Variants in GPC5 observed in about 807,000 individuals in gnomAD.
GPC5 encodes the protein glypican 5.
In GPC5, 47 loss-of-function variants were observed where a neutral mutation model predicts 53.9. That is an observed-to-expected ratio of 0.87 (90% confidence interval 0.69 to 1.11). The LOEUF (loss-of-function observed/expected upper bound fraction) is 1.11. GPC5 is among the 50% of genes most tolerant of loss of function. GPC5 has a pLI of 0.00. For synonymous variants in GPC5, 286 were observed against 263.3 expected, an observed-to-expected ratio of 1.09 and a Z score of -0.84; for missense variants, 748 against 713.1, an observed-to-expected ratio of 1.05 and a Z score of -0.56.
At chr13:91,957,222 C>T (rs908515364) in intron 6 of GPC5, among the ~76,000 whole-genome samples, 3 of 151,856 alleles carry the variant, frequency 2.0e-5, no homozygotes, top group East Asian at 3.9e-4. Context: ...CTATATCAAG[C>T]GGAAGAAAGA....
chr13:92,089,432 T>A (rs1213308085), intron 6 of GPC5, among the ~76,000 whole-genome samples: 1 of 152,148 alleles, frequency 6.6e-6, no homozygotes, highest in African/African-American at 2.4e-5. Context: ...AGACTCTCTC[T>A]CAAAAAAATA....
At chr13:91,963,600 T>C (rs567829885) in intron 6 of GPC5, among the ~76,000 whole-genome samples, 6 of 152,214 alleles carry the variant, frequency 3.9e-5, no homozygotes, top group Admixed American at 6.5e-5. Flanking sequence ...TTAGACACAA[T>C]AAATTAAGTG....
At chr13:92,338,079 C>A (rs2043337052) in intron 7 of GPC5, among the ~76,000 whole-genome samples, 1 of 151,886 alleles carries the variant, frequency 6.6e-6, no homozygotes, top group African/African-American at 2.4e-5. Flanking sequence ...GGATTGTTAT[C>A]CCAAAGATAG....
intron 7 of GPC5, among the ~76,000 whole-genome samples, chr13:92,716,167 C>A (rs1888321541): frequency 4.6e-5 from 7 of 152,002 alleles, no homozygotes; most frequent in Admixed American, 4.6e-4. Flanking sequence ...AGATTTTATT[C>A]TTCATACAAT....
chr13:91,692,932 CCACG>C (rs1233957536), intron 2 of GPC5, among the ~76,000 whole-genome samples: 1 of 152,224 alleles, frequency 6.6e-6, no homozygotes, highest in Non-Finnish European at 1.5e-5. Flanking sequence ...GCGTGAGCCA[CCACG>C]CCTGGTGATT....
intron 2 of GPC5, among the ~76,000 whole-genome samples, chr13:91,690,218 C>T (rs2035727980): frequency 6.6e-6 from 1 of 152,060 alleles, no homozygotes; most frequent in Non-Finnish European, 1.5e-5. Flanking sequence ...GTAGTAAAGT[C>T]AATACACAGT....
intron 3 of GPC5, among the ~76,000 whole-genome samples, chr13:91,706,711 G>A (rs2036113927): frequency 6.6e-6 from 1 of 152,042 alleles, no homozygotes; most frequent in South Asian, 2.1e-4. Context: ...TAAATCATGG[G>A]ATAATTGAGC....
chr13:92,146,451 C>A (rs1292906124), intron 7 of GPC5, among the ~76,000 whole-genome samples: 3 of 151,754 alleles, frequency 2.0e-5, no homozygotes. Context: ...TTATAGTTTT[C>A]TGTGAAAAAA....
intron 6 of GPC5, among the ~76,000 whole-genome samples, chr13:92,058,432 G>A (rs2041093920): frequency 6.6e-6 from 1 of 152,166 alleles, no homozygotes; most frequent in South Asian, 2.1e-4. Context: ...CCCTGCACAT[G>A]CACAACCTTG....
At chr13:92,558,748 GAAC>G (rs2139025700) in intron 7 of GPC5, among the ~76,000 whole-genome samples, 1 of 151,772 alleles carries the variant, frequency 6.6e-6, no homozygotes, top group African/African-American at 2.4e-5. Flanking sequence ...ACATAGCCTA[GAAC>G]AACATTACTA....
intron 7 of GPC5, among the ~76,000 whole-genome samples, chr13:92,381,829 A>T (rs1307729039): frequency 1.1e-5 from 1 of 90,444 alleles, no homozygotes; most frequent in Non-Finnish European, 2.4e-5. Flanking sequence ...ATATAATCAT[A>T]TATATTATAT....
At chr13:92,192,481 AAAT>A (rs1420387298) in intron 7 of GPC5, among the ~76,000 whole-genome samples, 1 of 152,222 alleles carries the variant, frequency 6.6e-6, no homozygotes, top group African/African-American at 2.4e-5. Context: ...TAGTAAGTAA[AAAT>A]AAATGCGTGA....
chr13:92,840,133 A>T (rs1178012346), intron 7 of GPC5, among the ~76,000 whole-genome samples: 1 of 136,320 alleles, frequency 7.3e-6, no homozygotes, highest in Non-Finnish European at 1.6e-5. Flanking sequence ...ATGAGTACAC[A>T]CAGTATTTGT....
At chr13:92,142,399 C>T (rs879491519) in intron 6 of GPC5, among the ~76,000 whole-genome samples, 4 of 152,088 alleles carry the variant, frequency 2.6e-5, no homozygotes, top group Non-Finnish European at 5.9e-5. Flanking sequence ...TTGCTGTTCT[C>T]CTTAGCACGA....
At chr13:91,682,620 G>A (rs2035533360) in intron 2 of GPC5, among the ~76,000 whole-genome samples, 1 of 152,162 alleles carries the variant, frequency 6.6e-6, no homozygotes, top group South Asian at 2.1e-4. Flanking sequence ...TGAACAGGAG[G>A]ACTCGATTCC....
intron 1 of GPC5, among the ~76,000 whole-genome samples, chr13:91,430,036 T>C (rs1879330784): frequency 6.6e-6 from 1 of 152,168 alleles, no homozygotes; most frequent in African/African-American, 2.4e-5. Context: ...CAGGCCAAAA[T>C]GCTACAACAG....
intron 2 of GPC5, among the ~76,000 whole-genome samples, chr13:91,509,291 G>A (rs1885109006): frequency 1.7e-5 from 1 of 58,870 alleles, no homozygotes; most frequent in African/African-American, 3.5e-5. Flanking sequence ...CTACATAACT[G>A]TTGCAAACAA....
intron 2 of GPC5, among the ~76,000 whole-genome samples, chr13:91,493,033 A>T (rs899035473): frequency 1.3e-5 from 2 of 152,104 alleles, no homozygotes; most frequent in Non-Finnish European, 2.9e-5. Context: ...TCACTCATGA[A>T]CTCATGTCCT....
At chr13:91,458,551 A>G (rs1417694206) in intron 2 of GPC5, among the ~76,000 whole-genome samples, 1 of 152,132 alleles carries the variant, frequency 6.6e-6, no homozygotes, top group Non-Finnish European at 1.5e-5. Flanking sequence ...ACCACAGTGT[A>G]ATACCACTTT....
Sources: allele counts gnomAD v4.1 joint callset (sites outside exome capture counted in the v4.1 genomes callset), GRCh38; gene constraint gnomAD v4.1.1; transcripts MANE v1.5; gene names NCBI Gene and HGNC (gene_info 2026-07-23, HGNC 2026-07-21).